LRP2: variants seen among roughly 807,000 people sequenced by gnomAD.
The protein encoded by LRP2 is LDL receptor related protein 2.
LRP2 carries 172 observed loss-of-function variants against 531.0 expected under a neutral mutation model. That is an observed-to-expected ratio of 0.32 (90% confidence interval 0.29 to 0.37). The LOEUF is 0.37. Among genes scored for constraint, LRP2 ranks in the 10% least tolerant of loss-of-function variants. The pLI is 1.00. For missense variants in LRP2, 5,167 were observed against 5,868.3 expected, an observed-to-expected ratio of 0.88 and a Z score of 3.90; for synonymous variants, 1,992 against 2,027.6, an observed-to-expected ratio of 0.98 and a Z score of 0.47.
At chr2:169,328,802 C>T (rs562853822) in intron 1 of LRP2, among the ~76,000 whole-genome samples, 1 of 152,330 alleles carries the variant, frequency 6.6e-6, no homozygotes, top group East Asian at 1.9e-4. Flanking sequence ...CTGTGTGACT[C>T]CAGAGCCTGT....
intron 67 of LRP2, among the ~76,000 whole-genome samples, chr2:169,151,448 T>C (rs993404813): frequency 2.0e-5 from 3 of 152,104 alleles, no homozygotes; most frequent in African/African-American, 7.2e-5. Context: ...GACATGGGCT[T>C]CTAGGTAGAA....
intron 74 of LRP2, 86 bp from the exon 75 acceptor site, chr2:169,138,792 TCTC>T (rs1187828878): frequency 6.8e-7 from 1 of 1,464,586 alleles, no homozygotes; most frequent in Non-Finnish European, 9.5e-7. Flanking sequence ...AATAGTACCC[TCTC>T]CTCCACATTG....
intron 62 of LRP2, among the ~76,000 whole-genome samples, chr2:169,163,716 G>GA (rs201796340): frequency 0.021 from 3,114 of 147,772 alleles, 40 homozygotes; most frequent in Non-Finnish European, 0.031. Context: ...TTGAGACTTG[G>GA]AAAAAAAAAC....
intron 38 of LRP2, among the ~76,000 whole-genome samples, chr2:169,208,700 G>A (rs1480525809): frequency 3.3e-5 from 5 of 152,094 alleles, no homozygotes; most frequent in East Asian, 1.9e-4. Context: ...CAGGTGATCC[G>A]CCTGCCTCAG....
chr2:169,362,312 G>A lies in LRP2; in HGVS notation c.79+9C>T. Reference sequence around the variant, plus strand: ...GGGGCTCCACGAGAGGCTCTGGCTGGGCTCTTACCTTGGCCACTGGCCGGC... The same window carrying A: ...GGGGCTCCACGAGAGGCTCTGGCTGAGCTCTTACCTTGGCCACTGGCCGGC... On this transcript the variant is annotated intron_variant, in intron 1 of 78. Coordinates refer to ENST00000649046, the MANE Select transcript of LRP2 (RefSeq NM_004525.3). 1 of 1,555,872 alleles carries A rather than the reference G, an allele frequency of 6.4e-7. No homozygotes were observed. Among genetic ancestry groups the A allele is most frequent in the Non-Finnish European group, 8.7e-7 (1 of 1,150,348 alleles).
intron 9 of LRP2, among the ~76,000 whole-genome samples, chr2:169,286,742 A>T (rs1211865435): frequency 6.6e-6 from 1 of 152,198 alleles, no homozygotes; most frequent in Non-Finnish European, 1.5e-5. Context: ...AGCGATTCTG[A>T]AAGAACAAAT....
chr2:169,197,329 A>G (rs1320205778), intron 45 of LRP2, among the ~76,000 whole-genome samples: 3 of 152,212 alleles, frequency 2.0e-5, no homozygotes, highest in East Asian at 1.9e-4. Context: ...ATCACAAATT[A>G]TAAGTCTTGG....
chr2:169,310,103 T>A (rs1684550133), intron 3 of LRP2, among the ~76,000 whole-genome samples: 1 of 152,236 alleles, frequency 6.6e-6, no homozygotes, highest in Non-Finnish European at 1.5e-5. Context: ...AAGTTGCTTA[T>A]CAGCTTAAGG....
At chr2:169,272,643 A>C (rs1022063460) in intron 15 of LRP2, among the ~76,000 whole-genome samples, 2 of 152,162 alleles carry the variant, frequency 1.3e-5, no homozygotes, top group African/African-American at 4.8e-5. Flanking sequence ...TAGGAGAAAA[A>C]GGCTTCAGGA....
intron 46 of LRP2, among the ~76,000 whole-genome samples, chr2:169,194,899 A>C (rs552162274): frequency 6.7e-6 from 1 of 149,854 alleles, no homozygotes; most frequent in South Asian, 2.1e-4. Flanking sequence ...TTTAGTAGAG[A>C]CAGGTTTCAC....
chr2:169,237,946 G>T, intron 27 of LRP2, 145 bp downstream of exon 27: 1 of 729,658 alleles, frequency 1.4e-6, no homozygotes, highest in Non-Finnish European at 2.5e-6. Context: ...TTATGAACAC[G>T]CAAGTCTCTT....
chr2:169,168,813 C>T (rs1008163995), intron 60 of LRP2, 137 bp from the exon 61 acceptor site: 15 of 966,148 alleles, frequency 1.6e-5, no homozygotes, highest in African/African-American at 1.5e-4. Context: ...GTGGCCTTGA[C>T]CTGTCTGAAA....
At position 169,168,671 on chromosome 2, in the gene LRP2, G is replaced by T. The variant is rs774128360; in HGVS notation, c.11503C>A (p.Arg3835Ser). The T allele has an allele frequency of 1.2e-6, 2 of 1,613,720 alleles. No homozygotes were observed. Among genetic ancestry groups the T allele is most frequent in the Admixed American group, 1.7e-5 (1 of 59,976 alleles). The change falls in exon 61 of 79, where the codon CGC (arginine) becomes AGC (serine). Residue 3835 changes from arginine (R) to serine (S), a missense_variant. By Grantham distance (110) the Arg-to-Ser change is moderately radical (BLOSUM62 -1). Coordinates refer to ENST00000649046, the MANE Select transcript of LRP2 (RefSeq NM_004525.3). ...DASDEADCPT[R>S]FPDGAYCQAT... ...TGGCAGTATGCACCATCAGGAAAGC[G>T]TGTGGCTGCCATGGGGGAAAAAAAC...
chr2:169,261,543 G>A (rs920712122), intron 16 of LRP2, among the ~76,000 whole-genome samples: 1 of 148,920 alleles, frequency 6.7e-6, no homozygotes, highest in Non-Finnish European at 1.5e-5. Flanking sequence ...AAAGAACAAT[G>A]TAATGCCTCC....
In LRP2 at chr2:169,270,848, C is replaced by T. The variant is rs533767661; in HGVS notation, c.2320+56G>A. 5.2e-6 allele frequency: 7 copies of T among 1,341,742 alleles called. No individual in the cohort carries two copies. The African/African-American group carries it at 5.8e-5, about 11-fold the overall frequency. 83.1% of individuals were successfully genotyped at this position (1,341,742 alleles called of 1,614,324 possible). On this transcript the variant is annotated intron_variant, in intron 16 of 78. Transcript: ENST00000649046. Reference sequence around the variant, plus strand: ...AATTATCAAGTTGTAAGTATCATTACAATAAACAGGCAAAACACGCATACA... The same window carrying T: ...AATTATCAAGTTGTAAGTATCATTATAATAAACAGGCAAAACACGCATACA...
intron 1 of LRP2, among the ~76,000 whole-genome samples, chr2:169,345,512 CA>C (rs1365459452): frequency 6.6e-6 from 1 of 152,246 alleles, no homozygotes; most frequent in East Asian, 1.9e-4. Flanking sequence ...GGTGTGGCCA[CA>C]AAGGAGTAGC....
chr2:169,327,658 TG>T (rs1294883346), intron 1 of LRP2, among the ~76,000 whole-genome samples: 1 of 4,756 alleles, frequency 2.1e-4, no homozygotes, highest in Non-Finnish European at 4.5e-4. Context: ...GGGAGGGAGG[TG>T]GGGGGCTCAG....
At chr2:169,179,847 T>C (rs1687363309) in intron 52 of LRP2, among the ~76,000 whole-genome samples, 1 of 121,544 alleles carries the variant, frequency 8.2e-6, no homozygotes, top group African/African-American at 2.7e-5. Context: ...ATGAAATATA[T>C]TTCTGAACAC....
At chr2:169,284,726 G>A (rs1574219942) in intron 9 of LRP2, among the ~76,000 whole-genome samples, 1 of 152,236 alleles carries the variant, frequency 6.6e-6, no homozygotes, top group Non-Finnish European at 1.5e-5. Context: ...GGTGTGAAAT[G>A]CCCTCACTGA....
Sources: gnomAD v4.1 joint callset for allele counts (sites outside exome capture counted in the v4.1 genomes callset) on GRCh38, gnomAD v4.1.1 for gene constraint, MANE v1.5 for transcripts, NCBI Gene and HGNC (gene_info 2026-07-23, HGNC 2026-07-21) for gene names.